The following CDH13 variants were observed in gnomAD, a reference collection of about 807,000 sequenced individuals.
CDH13 encodes the protein cadherin 13.
Under a neutral mutation model 63.8 loss-of-function variants are expected in CDH13, and 24 were observed. The ratio of observed to expected loss-of-function variants is 0.38; its 90% CI spans 0.27 to 0.53. The LOEUF is 0.53. Among genes scored for constraint, CDH13 ranks in the 20% least tolerant of loss-of-function variants. The pLI, the probability that CDH13 is intolerant of heterozygous loss-of-function variation, is 0.85. For synonymous variants in CDH13, 503 were observed against 355.3 expected, an observed-to-expected ratio of 1.42 and a Z score of -4.67; for missense variants, 1,049 against 903.1, an observed-to-expected ratio of 1.16 and a Z score of -2.07.
At chr16:83,417,361 A>G (rs538810240) in intron 6 of CDH13, among the ~76,000 whole-genome samples, 1 of 152,268 alleles carries the variant, frequency 6.6e-6, no homozygotes, top group South Asian at 2.1e-4. Context: ...CCTGTGAATT[A>G]GCAAATGCTG....
chr16:82,744,585 C>T (rs966069756), intron 1 of CDH13, among the ~76,000 whole-genome samples: 2 of 151,984 alleles, frequency 1.3e-5, no homozygotes, highest in Non-Finnish European at 2.9e-5. Flanking sequence ...TCCTGTGTAT[C>T]CTGTGTTATA....
At chr16:83,087,697 A>AAAAAAAAAAAAAAAAAAC (rs1567817140) in intron 3 of CDH13, among the ~76,000 whole-genome samples, 17 of 144,388 alleles carry the variant, frequency 1.2e-4, no homozygotes, top group African/African-American at 4.3e-4. Context: ...AAAAAAAAAA[A>AAAAAAAAAAAAAAAAAAC]GCCTAGCACC....
intron 5 of CDH13, among the ~76,000 whole-genome samples, chr16:83,321,139 T>G (rs1325277984): frequency 6.6e-6 from 1 of 152,242 alleles, no homozygotes; most frequent in Non-Finnish European, 1.5e-5. Flanking sequence ...CTCACTATTT[T>G]GAAAACTAGT....
At chr16:83,014,810 A>ATG (rs1731469078) in intron 2 of CDH13, among the ~76,000 whole-genome samples, 3 of 80,452 alleles carry the variant, frequency 3.7e-5, no homozygotes, top group Non-Finnish European at 7.3e-5. Context: ...ATATGTATAT[A>ATG]TATTTGTATA....
intron 5 of CDH13, among the ~76,000 whole-genome samples, chr16:83,303,730 C>A (rs898143818): frequency 6.6e-6 from 1 of 152,108 alleles, no homozygotes; most frequent in Non-Finnish European, 1.5e-5. Context: ...TCAGAGAAAC[C>A]TTGAGGCTAC....
At chr16:83,416,106 T>C (rs1311887614) in intron 6 of CDH13, among the ~76,000 whole-genome samples, 1 of 152,182 alleles carries the variant, frequency 6.6e-6, no homozygotes, top group Non-Finnish European at 1.5e-5. Context: ...ACACTAACAC[T>C]AACTGATCTA....
chr16:82,770,426 T>C (rs1438476409), intron 1 of CDH13, among the ~76,000 whole-genome samples: 1 of 152,256 alleles, frequency 6.6e-6, no homozygotes, highest in African/African-American at 2.4e-5. Flanking sequence ...CGTTTAGTTA[T>C]TTAGTCTTTT....
At chr16:83,127,223 C>A (rs1385985946) in intron 4 of CDH13, among the ~76,000 whole-genome samples, 2 of 152,152 alleles carry the variant, frequency 1.3e-5, no homozygotes, top group Non-Finnish European at 2.9e-5. Flanking sequence ...GAGAGGCCAG[C>A]CTGCCCTTGG....
intron 7 of CDH13, among the ~76,000 whole-genome samples, chr16:83,549,844 C>G (rs2075457912): frequency 1.3e-5 from 2 of 152,100 alleles, no homozygotes; most frequent in African/African-American, 4.8e-5. Flanking sequence ...GTAATCAAGG[C>G]ATTTGTAACT....
intron 4 of CDH13, among the ~76,000 whole-genome samples, chr16:83,211,862 T>TG (rs1246135274): frequency 6.6e-6 from 1 of 152,026 alleles, no homozygotes; most frequent in African/African-American, 2.4e-5. Flanking sequence ...CAGGGGCTCA[T>TG]GTTCTTTCTC....
Position 82,950,807 on chromosome 16 carries a change from C to CTT in CDH13, c.158-81186_158-81185dup, listed in dbSNP as rs67534843. Among the ~76,000 whole-genome samples, 35 of 132,112 alleles carry CTT rather than the reference C, an allele frequency of 2.6e-4. No individual in the cohort carries two copies. The East Asian group carries it at 3.3e-3, about 12-fold the overall frequency. The allele number at this position is 132,112 out of a possible 152,430, so 86.7% of individuals were successfully genotyped here. On this transcript the variant is annotated intron_variant, in intron 2 of 13. Coordinates refer to ENST00000567109, the MANE Select transcript of CDH13 (RefSeq NM_001257.5). Reference sequence around the variant, plus strand: ...TCACTGAGAGTTAGAACTCCCACATCTTTTTTTTTTTTTTTTTTGGTGGTG... The same window carrying CTT: ...TCACTGAGAGTTAGAACTCCCACATCTTTTTTTTTTTTTTTTTTTTGGTGGTG...
intron 2 of CDH13, among the ~76,000 whole-genome samples, chr16:82,869,873 A>G (rs1567616636): frequency 6.6e-6 from 1 of 152,222 alleles, no homozygotes; most frequent in Non-Finnish European, 1.5e-5. Context: ...AAACTCTGAA[A>G]CGACTACATG....
At chr16:82,930,024 T>C (rs973975520) in intron 2 of CDH13, among the ~76,000 whole-genome samples, 4 of 146,984 alleles carry the variant, frequency 2.7e-5, no homozygotes, top group African/African-American at 7.4e-5. Flanking sequence ...TCTAATAAAA[T>C]GCATTAGTTT....
At chr16:83,073,352 T>TGAGAGAGAGAGAGA (rs1185746074) in intron 3 of CDH13, among the ~76,000 whole-genome samples, 5 of 125,224 alleles carry the variant, frequency 4.0e-5, no homozygotes, top group African/African-American at 1.6e-4. Context: ...TGTGTGTGTG[T>TGAGAGAGAGAGAGA]GTGAGAGAGA....
At chr16:83,307,467 G>T (rs921079407) in intron 5 of CDH13, among the ~76,000 whole-genome samples, 6 of 152,184 alleles carry the variant, frequency 3.9e-5, no homozygotes, top group Admixed American at 3.3e-4. Context: ...GCACTTGTCT[G>T]TAGTTGTGTG....
intron 6 of CDH13, among the ~76,000 whole-genome samples, chr16:83,373,441 G>T (rs996465293): frequency 6.6e-6 from 1 of 152,140 alleles, no homozygotes; most frequent in African/African-American, 2.4e-5. Flanking sequence ...TGGATAGCAT[G>T]AGAAGCTTGT....
intron 6 of CDH13, among the ~76,000 whole-genome samples, chr16:83,380,021 T>G (rs2091534084): frequency 6.6e-6 from 1 of 150,714 alleles, no homozygotes; most frequent in Admixed American, 6.6e-5. Context: ...AATACAATTT[T>G]TAAACAATTA....
At chr16:82,681,632 G>A (rs774829766) in intron 1 of CDH13, among the ~76,000 whole-genome samples, 10 of 152,182 alleles carry the variant, frequency 6.6e-5, no homozygotes, top group African/African-American at 9.6e-5. Flanking sequence ...GAGTGGTAGC[G>A]GATGCTCCTG....
intron 2 of CDH13, among the ~76,000 whole-genome samples, chr16:82,915,670 G>T (rs2041964036): frequency 6.6e-6 from 1 of 151,922 alleles, no homozygotes; most frequent in South Asian, 2.1e-4. Flanking sequence ...CCTGCTGCAG[G>T]TGACGTTTGT....
Sources: allele counts gnomAD v4.1 joint callset (sites outside exome capture counted in the v4.1 genomes callset), GRCh38; gene constraint gnomAD v4.1.1; transcripts MANE v1.5; gene names NCBI Gene and HGNC (gene_info 2026-07-23, HGNC 2026-07-21).